The following KIF13A variants were observed in gnomAD, a reference collection of about 807,000 sequenced individuals.
The protein encoded by KIF13A is kinesin family member 13A, also known as kinesin-like protein KIF13A.
In KIF13A, 79 loss-of-function variants were observed where a neutral mutation model predicts 212.2. That is an observed-to-expected ratio of 0.37 (90% CI 0.31 to 0.45). KIF13A has a LOEUF of 0.45. Among genes scored for constraint, KIF13A ranks in the 20% least tolerant of loss-of-function variants. KIF13A has a pLI of 1.00. For missense variants in KIF13A, 1,901 were observed against 2,209.0 expected, an observed-to-expected ratio of 0.86 and a Z score of 2.79; for synonymous variants, 789 against 808.6, an observed-to-expected ratio of 0.98 and a Z score of 0.41.
intron 2 of KIF13A, among the ~76,000 whole-genome samples, chr6:17,902,077 C>T (rs973299916): frequency 1.3e-5 from 2 of 152,152 alleles, no homozygotes; most frequent in Non-Finnish European, 1.5e-5. Context: ...TGTTGAGATA[C>T]CTGTGTGGCT....
At chr6:17,814,629 G>GT (rs1344937578) in intron 17 of KIF13A, among the ~76,000 whole-genome samples, 10 of 152,144 alleles carry the variant, frequency 6.6e-5, no homozygotes, top group Non-Finnish European at 1.5e-4. Flanking sequence ...TTCAAACTCT[G>GT]TTTTTTTCAC....
At chr6:17,810,964 C>G (rs1364626525) in intron 17 of KIF13A, among the ~76,000 whole-genome samples, 2 of 152,206 alleles carry the variant, frequency 1.3e-5, no homozygotes, top group South Asian at 4.1e-4. Context: ...GGACCCGTAC[C>G]AGTTTGTGGT....
At position 17,894,397 on chromosome 6, in the gene KIF13A, C is replaced by T. The variant is rs536465553; in HGVS notation, c.159+3771G>A. ...GCTTCCCAAGGCCGGGGATCACAGG[C>T]GTGAGTCACTGCACCTGGCCTTTTT... On this transcript the variant is annotated intron_variant, in intron 3 of 38. Transcript: ENST00000259711. Among the ~76,000 whole-genome samples, 7 of 152,300 alleles carry T rather than the reference C, an allele frequency of 4.6e-5. No individual in the cohort carries two copies. In the South Asian group the frequency reaches 8.3e-4, roughly 18 times the overall value.
intron 34 of KIF13A, among the ~76,000 whole-genome samples, chr6:17,775,806 C>G (rs1377140805): frequency 6.6e-6 from 1 of 152,184 alleles, no homozygotes; most frequent in South Asian, 2.1e-4. Context: ...CTCGCCTTGG[C>G]TTCCAAAAGA....
At chr6:17,857,445 G>A (rs376333174) in intron 4 of KIF13A, among the ~76,000 whole-genome samples, 16 of 151,928 alleles carry the variant, frequency 1.1e-4, no homozygotes, top group South Asian at 4.1e-4. Flanking sequence ...TCTCTCTCTC[G>A]CTGCCATGTA....
rs1382499941 is a variant in KIF13A at position 17,918,281 on chromosome 6, T to C, written c.147-20101A>G. On this transcript the variant is annotated intron_variant, in intron 2 of 38. Transcript: ENST00000259711. The surrounding 1 kb of genome is among the most constrained non-coding windows in gnomAD (Gnocchi z 4.8). Reference sequence around the variant, plus strand: ...CGTGCAGCAGAGGATAAATGTTTACTGAATAAATACATACATGCATAAAAA... The same window carrying C: ...CGTGCAGCAGAGGATAAATGTTTACCGAATAAATACATACATGCATAAAAA... 6.6e-6 allele frequency among the ~76,000 whole-genome samples: 1 copy of C among 152,178 alleles called. No individual in the cohort carries two copies. The highest frequency in any genetic ancestry group is 2.4e-5 in the African/African-American group (1 of 41,434).
intron 13 of KIF13A, 107 bp downstream of exon 13, chr6:17,830,994 G>T: frequency 9.9e-7 from 1 of 1,011,512 alleles, no homozygotes; most frequent in Non-Finnish European, 1.5e-6. Flanking sequence ...TTTACTGAGG[G>T]CTAAGCTGGA....
chr6:17,827,642 T>G (rs1224753358), intron 14 of KIF13A, among the ~76,000 whole-genome samples: 1 of 152,034 alleles, frequency 6.6e-6, no homozygotes, highest in Non-Finnish European at 1.5e-5. Flanking sequence ...CTCAGCCTTG[T>G]AAGTAGCTGG....
In KIF13A at chr6:17,783,383, T is replaced by A. The variant is rs972042868; in HGVS notation, c.3544+263A>T. ...AAGACTCAGAATCTCTAGGGGTGAT[T>A]ACTTTCCAGGGTAATTTCTATGTCC... On this transcript the variant is annotated intron_variant, in intron 29 of 38. Coordinates refer to ENST00000259711, the MANE Select transcript of KIF13A (RefSeq NM_022113.6). The surrounding 1 kb of genome is among the most constrained non-coding windows in gnomAD (Gnocchi z 4.3). Among the ~76,000 whole-genome samples the A allele has an allele frequency of 6.6e-6, 1 of 152,236 alleles. No homozygotes were observed. Among genetic ancestry groups the A allele is most frequent in the African/African-American group, 2.4e-5 (1 of 41,468 alleles).
rs1772640841 is a variant in KIF13A at position 17,897,102 on chromosome 6, T to TG, written c.159+1065dup. Among the ~76,000 whole-genome samples, 1 of 152,216 alleles carries TG rather than the reference T, an allele frequency of 6.6e-6. No homozygotes were observed. The highest frequency in any genetic ancestry group is 1.5e-5 in the Non-Finnish European group (1 of 68,026). ...GATCTTATATCATTTGTTCAATGCA[T>TG]GCCTTCCTTGCTAAAGCTGAAACTC... On this transcript the variant is annotated intron_variant, in intron 3 of 38. Transcript: ENST00000259711. This position sits in a 1 kb window ranked among gnomAD's most constrained non-coding sequence, Gnocchi z 4.8.
Position 17,912,314 on chromosome 6 carries a change from AC to A in KIF13A, c.147-14135del, listed in dbSNP as rs1263060830. On this transcript the variant is annotated intron_variant, in intron 2 of 38. Coordinates refer to ENST00000259711, the MANE Select transcript of KIF13A (RefSeq NM_022113.6). This position sits in a 1 kb window ranked among gnomAD's most constrained non-coding sequence, Gnocchi z 4.2. ...TGAGGTACCATCACTTGATAGAGTGACAGAAGAACATTCAGAAACCAAAATT... is the reference window on the plus strand; with the variant it reads ...TGAGGTACCATCACTTGATAGAGTGAAGAAGAACATTCAGAAACCAAAATT... 6.6e-6 allele frequency among the ~76,000 whole-genome samples: 1 copy of A among 152,218 alleles called. No individual in the cohort carries two copies. Among genetic ancestry groups the A allele is most frequent in the Non-Finnish European group, 1.5e-5 (1 of 68,040 alleles).
chr6:17,924,003 C>T (rs939131775), intron 2 of KIF13A, among the ~76,000 whole-genome samples: 24 of 152,118 alleles, frequency 1.6e-4, no homozygotes, highest in African/African-American at 5.8e-4. Flanking sequence ...CATGGAAGAG[C>T]TAAAAAATCT....
chr6:17,871,599 AG>A lies in KIF13A; in HGVS notation c.220+1777del, dbSNP rs1770018324. Among the ~76,000 whole-genome samples the A allele has an allele frequency of 6.6e-6, 1 of 152,164 alleles. No homozygotes were observed. The highest frequency in any genetic ancestry group is 1.5e-5 in the Non-Finnish European group (1 of 68,030). On this transcript the variant is annotated intron_variant, in intron 4 of 38. Transcript: ENST00000259711. This position sits in a 1 kb window ranked among gnomAD's most constrained non-coding sequence, Gnocchi z 4.4. ...TTTCTGGCTTCCTGAGTTATATGAG[AG>A]GAACCAACAACAGACACTGGGCTGA...
At position 17,951,442 on chromosome 6, in the gene KIF13A, A is replaced by T; in HGVS notation, c.146+35612T>A. 5 of 569,200 alleles carry T rather than the reference A, an allele frequency of 8.8e-6. No individual in the cohort carries two copies. The highest frequency in any genetic ancestry group is 6.7e-5 in the South Asian group (3 of 44,834). The allele number at this position is 569,200 out of a possible 1,614,324, so 35.3% of individuals were successfully genotyped here. A position where few individuals can be genotyped will look rare whatever the true frequency, so the allele number is the denominator to read the frequency against. ...CACTGTGACCAGCCTCAATTTAAAA[A>T]AAAAAAAAAAACAGCTTTAAGATAT... is the stretch of plus-strand genomic sequence containing the variant. On this transcript the variant is annotated intron_variant, in intron 2 of 38. Transcript: ENST00000259711. The surrounding 1 kb of genome is among the most constrained non-coding windows in gnomAD (Gnocchi z 4.9).
At position 17,945,773 on chromosome 6, in the gene KIF13A, A is replaced by C. The variant is rs563662000; in HGVS notation, c.146+41281T>G. On this transcript the variant is annotated intron_variant, in intron 2 of 38. Transcript: ENST00000259711. ...CCAAGCCACCCCTATAGCAGAACAC[A>C]ATGAAGAAACTGGTCCTACAGTTAT... Among the ~76,000 whole-genome samples, 3 of 152,286 alleles carry C rather than the reference A, an allele frequency of 2.0e-5. No homozygotes were observed. In the East Asian group the frequency reaches 5.8e-4, roughly 29 times the overall value.
In KIF13A at chr6:17,771,176, G is replaced by C. The variant is rs537340041; in HGVS notation, c.4519C>G (p.Pro1507Ala). 1 of 1,613,262 alleles carries C rather than the reference G, an allele frequency of 6.2e-7. No homozygotes were observed. The highest frequency in any genetic ancestry group is 1.1e-5 in the South Asian group (1 of 90,872). The change falls in exon 38 of 39, where the codon CCC becomes GCC. Residue 1507 changes from proline (P) to alanine (A), a missense_variant. Transcript: ENST00000259711. The surrounding 1 kb of genome is among the most constrained non-coding windows in gnomAD (Gnocchi z 5.4). ...PQAHNPGCIVPSGSNGSSMPV... is the reference protein window; with the variant it reads ...PQAHNPGCIVASGSNGSSMPV... ...ATGCTGCTGCCATTGCTTCCTGAGGGTACAATGCAGCCAGGGTTATGTGCC... is the reference window on the plus strand; with the variant it reads ...ATGCTGCTGCCATTGCTTCCTGAGGCTACAATGCAGCCAGGGTTATGTGCC...
rs1453595005 is a variant in KIF13A at position 17,838,688 on chromosome 6, A to T, written c.831-1105T>A. On this transcript the variant is annotated intron_variant, in intron 9 of 38. Transcript: ENST00000259711. The surrounding 1 kb of genome is among the most constrained non-coding windows in gnomAD (Gnocchi z 4.2). ...AAACAAGTCAGACACAGAAAAACAA[A>T]TATTGCATGTCCTTACTCATAAGTG... 2.0e-5 allele frequency among the ~76,000 whole-genome samples: 3 copies of T among 152,206 alleles called. No homozygotes were observed. The highest frequency in any genetic ancestry group is 4.4e-5 in the Non-Finnish European group (3 of 68,030).
At position 17,800,093 on chromosome 6, in the gene KIF13A, C is replaced by T. The variant is rs1178622726; in HGVS notation, c.2475G>A (p.Val825=). ...CAGCTCCTGTAACACGCATCACTTC[C>T]ACGTGGAGACGCCCTGCAACCTGGG... is the stretch of plus-strand genomic sequence containing the variant. The part of the protein sequence containing the change: ...QQGEVAGRLH[V]EVMRVTGAVP... The change falls in exon 21 of 39, where the codon GTG becomes GTA. Residue 825 remains valine, a synonymous_variant. Coordinates refer to ENST00000259711, the MANE Select transcript of KIF13A (RefSeq NM_022113.6). 1.9e-6 allele frequency: 3 copies of T among 1,613,658 alleles called. No homozygotes were observed. The highest frequency in any genetic ancestry group is 2.5e-6 in the Non-Finnish European group (3 of 1,179,832).
chr6:17,894,582 C>T (rs2150476654), intron 3 of KIF13A, among the ~76,000 whole-genome samples: 1 of 152,102 alleles, frequency 6.6e-6, no homozygotes, highest in East Asian at 1.9e-4. Flanking sequence ...CTCGCTTGTC[C>T]CCACTCCCTA....
Sources: allele counts gnomAD v4.1 joint callset (sites outside exome capture counted in the v4.1 genomes callset), GRCh38; gene constraint gnomAD v4.1.1; non-coding constraint Gnocchi (gnomAD v3.1); transcripts MANE v1.5; gene names NCBI Gene and HGNC (gene_info 2026-07-23, HGNC 2026-07-21).